Variants in HSPG2 observed in about 807,000 individuals in gnomAD.
HSPG2 encodes heparan sulfate proteoglycan 2, also known as basement membrane-specific heparan sulfate proteoglycan core protein.
In HSPG2, 278 loss-of-function variants were observed where a neutral mutation model predicts 526.6. The observed-to-expected ratio is 0.53, with a 90% CI of 0.48 to 0.58. The LOEUF (loss-of-function observed/expected upper bound fraction) is 0.58. HSPG2 is among the 20% of genes least tolerant of loss of function. The pLI is 0.00. For synonymous variants in HSPG2, 2,465 were observed against 2,555.4 expected (o/e 0.96, Z 1.07); for missense variants, 5,354 against 6,099.5 (o/e 0.88, Z 4.07).
Position 21,842,720 on chromosome 1 carries a change from C to T in HSPG2, c.8910+50G>A, listed in dbSNP as rs777935056. Reference sequence around the variant, plus strand: ...GAGGTTTGGGTACAGAAAGCAACTGCAGGTCTAACCTTGCCTGACCTGGAA... The same window carrying T: ...GAGGTTTGGGTACAGAAAGCAACTGTAGGTCTAACCTTGCCTGACCTGGAA... On this transcript the variant is annotated intron_variant, in intron 67 of 96. Transcript: ENST00000374695. The T allele has an allele frequency of 8.1e-6, 13 of 1,610,146 alleles. No individual in the cohort carries two copies. The East Asian group carries it at 1.1e-4, about 14-fold the overall frequency.
rs752254855 is a variant in HSPG2 at position 21,853,081 on chromosome 1, A to G, written c.6440-11T>C. The G allele has an allele frequency of 1.9e-6, 3 of 1,613,612 alleles. No individual in the cohort carries two copies. The South Asian group carries it at 3.3e-5, about 18-fold the overall frequency. On this transcript the variant is annotated splice_polypyrimidine_tract_variant and intron_variant, in intron 50 of 96. Transcript: ENST00000374695. The stretch of plus-strand genomic sequence containing the variant: ...GGGTGCTGCCGGGCACTGGACACAG[A>G]GCGGCTGCTCAGAGGCCTGAACTCT...
Position 21,896,164 on chromosome 1 carries a change from C to G in HSPG2, c.199+11G>C, listed in dbSNP as rs763276037. The G allele has an allele frequency of 6.2e-7, 1 of 1,613,848 alleles. No homozygotes were observed. Among genetic ancestry groups the G allele is most frequent in the Non-Finnish European group, 8.5e-7 (1 of 1,179,978 alleles). ...CACCCCTCTGCTCCCAGCCTTGGATCCTTGGCTCACCTCCTGAGATGCTGT... is the reference window on the plus strand; with the variant it reads ...CACCCCTCTGCTCCCAGCCTTGGATGCTTGGCTCACCTCCTGAGATGCTGT... On this transcript the variant is annotated intron_variant, in intron 2 of 96. Coordinates refer to ENST00000374695, the MANE Select transcript of HSPG2 (RefSeq NM_005529.7).
intron 1 of HSPG2, among the ~76,000 whole-genome samples, chr1:21,914,630 GC>G (rs1314000434): frequency 6.6e-6 from 1 of 152,178 alleles, no homozygotes; most frequent in Non-Finnish European, 1.5e-5. Flanking sequence ...CCAGGGATTG[GC>G]CATGTGATCT....
At chr1:21,896,135 C>A in intron 2 of HSPG2, 40 bp downstream of exon 2, 2 of 1,613,220 alleles carry the variant, frequency 1.2e-6, no homozygotes, top group Admixed American at 1.7e-5. Flanking sequence ...ACAGTCTCAC[C>A]CCCCACCCCT....
rs187683862 is a variant in HSPG2 at position 21,907,020 on chromosome 1, T to C, written c.64-10710A>G. On this transcript the variant is annotated intron_variant, in intron 1 of 96. Coordinates refer to ENST00000374695, the MANE Select transcript of HSPG2 (RefSeq NM_005529.7). ...CGGCTAGCTGGTAGTAGGAGGGGTG[T>C]GTTCTCTCTCCTCAGGGTGATTGAC... 5.9e-5 allele frequency among the ~76,000 whole-genome samples: 9 copies of C among 152,166 alleles called. No individual in the cohort carries two copies. The East Asian group carries it at 1.7e-3, about 29-fold the overall frequency.
In HSPG2 at chr1:21,874,738, A is replaced by G. The variant is rs1640912370; in HGVS notation, c.3415-9T>C. 1 of 1,591,558 alleles carries G rather than the reference A, an allele frequency of 6.3e-7. No individual in the cohort carries two copies. The highest frequency in any genetic ancestry group is 8.6e-7 in the Non-Finnish European group (1 of 1,168,078). ...TAGCCTGTGTCACAGTCCTGGGGGCAGAAAGATGGCAGTGGGAGGGACTTC... is the reference window on the plus strand; with the variant it reads ...TAGCCTGTGTCACAGTCCTGGGGGCGGAAAGATGGCAGTGGGAGGGACTTC... On this transcript the variant is annotated splice_polypyrimidine_tract_variant and intron_variant, in intron 26 of 96. Coordinates refer to ENST00000374695, the MANE Select transcript of HSPG2 (RefSeq NM_005529.7).
rs755540267 is a variant in HSPG2 at position 21,855,780 on chromosome 1, G to A, written c.5701+7C>T. The A allele has an allele frequency of 7.4e-6, 12 of 1,612,816 alleles. No homozygotes were observed. Among genetic ancestry groups the A allele is most frequent in the Non-Finnish European group, 9.3e-6 (11 of 1,179,774 alleles). ...GGCCTTGAATGTCATTCCCATCACGGCCTCACCTGTCCACTCGAGGGTGGG... is the reference window on the plus strand; with the variant it reads ...GGCCTTGAATGTCATTCCCATCACGACCTCACCTGTCCACTCGAGGGTGGG... On this transcript the variant is annotated splice_region_variant and intron_variant, in intron 45 of 96. Transcript: ENST00000374695.
At chr1:21,875,586 C>G (rs1415109245) in intron 25 of HSPG2, 43 bp downstream of exon 25, 1 of 1,492,976 alleles carries the variant, frequency 6.7e-7, no homozygotes, top group Non-Finnish European at 9.2e-7. Flanking sequence ...GATGGAGCCC[C>G]TCCCCAAGCC....
At chr1:21,861,648 A>C in intron 39 of HSPG2, 109 bp downstream of exon 39, 2 of 992,342 alleles carry the variant, frequency 2.0e-6, no homozygotes, top group Non-Finnish European at 3.1e-6. Context: ...GAGGCAGGGA[A>C]GGAGCATAAT....
At chr1:21,899,015 C>T (rs1257272834) in intron 1 of HSPG2, among the ~76,000 whole-genome samples, 1 of 152,152 alleles carries the variant, frequency 6.6e-6, no homozygotes, top group Non-Finnish European at 1.5e-5. Context: ...CAGGAACACA[C>T]ATCTGCAGGG....
rs1454895598 is a variant in HSPG2, at chr1:21,884,864, C to T, written c.1410G>A (p.Lys470=). 6.2e-6 allele frequency: 10 copies of T among 1,614,008 alleles called. No homozygotes were observed. The highest frequency in any genetic ancestry group is 8.5e-6 in the Non-Finnish European group (10 of 1,180,034). ...GRGTLIIRDV[K]ESDQGAYTCE... ...AGGTGTAGGCACCCTGGTCTGACTC[C>T]TTCACATCACGGATGATCAGTGTGC... Residue 470 remains lysine (K), a synonymous_variant, in exon 12 of 97, where the codon AAG becomes AAA. Coordinates refer to ENST00000374695, the MANE Select transcript of HSPG2 (RefSeq NM_005529.7).
intron 1 of HSPG2, among the ~76,000 whole-genome samples, chr1:21,935,419 G>C (rs1644463291): frequency 6.6e-6 from 1 of 152,156 alleles, no homozygotes; most frequent in African/African-American, 2.4e-5. Context: ...TGTCCTTGCT[G>C]GTCCAACCCA....
At chr1:21,921,615 C>T (rs1644040675) in intron 1 of HSPG2, among the ~76,000 whole-genome samples, 1 of 152,186 alleles carries the variant, frequency 6.6e-6, no homozygotes, top group Non-Finnish European at 1.5e-5. Flanking sequence ...GGAGGGTCCC[C>T]TCTGCTGCTC....
chr1:21,864,913 G>C lies in HSPG2; in HGVS notation c.4556C>G (p.Ser1519Ter), dbSNP rs747209436. ...CACCTCGAGGGCGCGGGGTCTGTTT[G>C]AGGGCCCCGGCTGGGCGACCTCCAG... ...VSLEVAQPGP[S>*]NRPRALEVEE... The change falls in exon 36 of 97, where the codon TCA becomes TGA. Residue 1519 changes from serine to a stop codon, truncating the protein, a stop_gained. Transcript: ENST00000374695. LOFTEE classifies it high-confidence loss of function. The surrounding 1 kb of genome is among the most constrained non-coding windows in gnomAD (Gnocchi z 4.8). 1 of 1,609,510 alleles carries C rather than the reference G, an allele frequency of 6.2e-7. No homozygotes were observed. The highest frequency in any genetic ancestry group is 1.1e-5 in the South Asian group (1 of 90,588).
In HSPG2 at chr1:21,841,363, G is replaced by A. The variant is rs551364717; in HGVS notation, c.9329-78C>T. 10 of 1,584,736 alleles carry A rather than the reference G, an allele frequency of 6.3e-6. No individual in the cohort carries two copies. The African/African-American group carries it at 1.1e-4, about 17-fold the overall frequency. ...CCACACTGCCATGGCCTCCAGCTTAGTAACTGCTGGGTGGGCACCTGTCTC... is the reference window on the plus strand; with the variant it reads ...CCACACTGCCATGGCCTCCAGCTTAATAACTGCTGGGTGGGCACCTGTCTC... On this transcript the variant is annotated intron_variant, in intron 70 of 96. Coordinates refer to ENST00000374695, the MANE Select transcript of HSPG2 (RefSeq NM_005529.7).
chr1:21,841,536 C>T lies in HSPG2; in HGVS notation c.9328+3G>A. ...GAGCCCCACAGGGTCAACGTCCCCT[C>T]ACCGTGCACACTGAGGTTCACCACA... On this transcript the variant is annotated splice_donor_region_variant and intron_variant, in intron 70 of 96. Transcript: ENST00000374695. The T allele has an allele frequency of 6.2e-7, 1 of 1,614,252 alleles. No homozygotes were observed. The highest frequency in any genetic ancestry group is 1.1e-5 in the South Asian group (1 of 91,086).
At position 21,824,165 on chromosome 1, in the gene HSPG2, C is replaced by A. The variant is rs745491336; in HGVS notation, c.12855G>T (p.Glu4285Asp). 3.1e-6 allele frequency: 5 copies of A among 1,613,760 alleles called. No individual in the cohort carries two copies. The highest frequency in any genetic ancestry group is 2.5e-6 in the Non-Finnish European group (3 of 1,180,030). Reference protein sequence around the residue: ...LGSGEARLVSEDPINDGEWHR... With the variant: ...LGSGEARLVSDDPINDGEWHR... ...GCCACTCGCCGTCATTGATGGGGTC[C>A]TCAGAGACCAGGCGGGCCTCCCCAC... The change falls in exon 95 of 97, where the codon GAG (glutamate) becomes GAT (aspartate). Residue 4285 changes from glutamate (E) to aspartate (D), a missense_variant. Glu to Asp is a conservative substitution (Grantham distance 45, BLOSUM62 2). Transcript: ENST00000374695. The surrounding 1 kb of genome is among the most constrained non-coding windows in gnomAD (Gnocchi z 5.9).
intron 12 of HSPG2, 37 bp from the exon 13 acceptor site, chr1:21,884,711 T>C (rs372587489): frequency 6.2e-7 from 1 of 1,610,756 alleles, no homozygotes; most frequent in African/African-American, 1.3e-5. Flanking sequence ...CAGCCGGCTG[T>C]GGTGGGCAGC....
Position 21,887,152 on chromosome 1 carries a change from C to CGGGGCAGGAGTGGAAGGG in HSPG2, c.1078+62_1078+63insCCCTTCCACTCCTGCCCC. ...GTAGGGGCGGGGCAGGAGTGGAAGG[C>CGGGGCAGGAGTGGAAGGG]GGGGCAGGAGCAAGCGGCCTGGGCA... On this transcript the variant is annotated intron_variant, in intron 9 of 96. Transcript: ENST00000374695. The surrounding 1 kb of genome is among the most constrained non-coding windows in gnomAD (Gnocchi z 5.0). The CGGGGCAGGAGTGGAAGGG allele has an allele frequency of 6.3e-7, 1 of 1,593,206 alleles. No homozygotes were observed. Among genetic ancestry groups the CGGGGCAGGAGTGGAAGGG allele is most frequent in the Non-Finnish European group, 8.6e-7 (1 of 1,167,492 alleles).
Sources: allele counts gnomAD v4.1 joint callset (sites outside exome capture counted in the v4.1 genomes callset), GRCh38; gene constraint gnomAD v4.1.1; non-coding constraint Gnocchi (gnomAD v3.1); transcripts MANE v1.5; gene names NCBI Gene and HGNC (gene_info 2026-07-23, HGNC 2026-07-21).